The following CADM1 variants were observed in gnomAD, a reference collection of about 807,000 sequenced individuals.
CADM1 encodes TSLC-1.
A neutral mutation model predicts 53.1 loss-of-function variants in CADM1; 15 were observed. The observed-to-expected ratio is 0.28, with a 90% CI of 0.19 to 0.44. The LOEUF is 0.44. Among genes scored for constraint, CADM1 ranks in the 20% least tolerant of loss-of-function variants. The pLI is 1.00. For synonymous variants in CADM1, 281 were observed against 243.0 expected, an observed-to-expected ratio of 1.16 and a Z score of -1.45; for missense variants, 434 against 611.3, an observed-to-expected ratio of 0.71 and a Z score of 3.06.
chr11:115,472,468 A>T (rs973111301), intron 1 of CADM1, among the ~76,000 whole-genome samples: 1 of 152,198 alleles, frequency 6.6e-6, no homozygotes, highest in Non-Finnish European at 1.5e-5. Context: ...TGTGTGTGTG[A>T]GAGAGAGTGC....
At chr11:115,261,722 CTT>C (rs1942979462) in intron 1 of CADM1, among the ~76,000 whole-genome samples, 1 of 150,996 alleles carries the variant, frequency 6.6e-6, no homozygotes, top group African/African-American at 2.4e-5. Context: ...AATATTTGTT[CTT>C]GTTTCAGCCT....
At chr11:115,290,359 G>A (rs1191365517) in intron 1 of CADM1, among the ~76,000 whole-genome samples, 1 of 152,166 alleles carries the variant, frequency 6.6e-6, no homozygotes, top group African/African-American at 2.4e-5. Context: ...TCTTGCCATA[G>A]ACAGTGGCAG....
intron 1 of CADM1, among the ~76,000 whole-genome samples, chr11:115,460,014 G>A (rs1386305073): frequency 6.6e-6 from 1 of 152,004 alleles, no homozygotes; most frequent in Non-Finnish European, 1.5e-5. Context: ...ATGTACTTAG[G>A]TGCTTTGGAA....
chr11:115,278,355 C>A (rs1357251473), intron 1 of CADM1, among the ~76,000 whole-genome samples: 2 of 152,136 alleles, frequency 1.3e-5, no homozygotes, highest in African/African-American at 4.8e-5. Context: ...TAGAACTTAA[C>A]CTCTAGCAAC....
chr11:115,295,190 T>C (rs189507716), intron 1 of CADM1, among the ~76,000 whole-genome samples: 1 of 152,162 alleles, frequency 6.6e-6, no homozygotes, highest in Admixed American at 6.5e-5. Context: ...CACTCCCAAC[T>C]CCATGTTGAC....
intron 1 of CADM1, among the ~76,000 whole-genome samples, chr11:115,457,018 A>T (rs549877600): frequency 6.6e-6 from 1 of 152,280 alleles, no homozygotes; most frequent in South Asian, 2.1e-4. Flanking sequence ...TTGTTAACAT[A>T]GTACCTAAGT....
chr11:115,404,124 G>T (rs186253556), intron 1 of CADM1, among the ~76,000 whole-genome samples: 23 of 146,866 alleles, frequency 1.6e-4, no homozygotes, highest in Non-Finnish European at 2.4e-4. Flanking sequence ...TCAGATGTTC[G>T]AGACCAGCCT....
rs531826689 is a variant in CADM1 at position 115,253,205 on chromosome 11, G to A, written c.125-12785C>T. Among the ~76,000 whole-genome samples the A allele has an allele frequency of 2.4e-4, 36 of 152,332 alleles. 1 individual carries two copies. The highest frequency in any genetic ancestry group is 3.4e-3 in the Middle Eastern group (1 of 294). ...TATATGGTCTGTGGGCTGCAGGTTG[G>A]ACAAGCTGGCCCTAAACAGTCTTAG... On this transcript the variant is annotated intron_variant, in intron 1 of 11. Transcript: ENST00000331581.
chr11:115,384,671 T>C (rs933683100), intron 1 of CADM1, among the ~76,000 whole-genome samples: 6 of 152,160 alleles, frequency 3.9e-5, no homozygotes, highest in African/African-American at 7.2e-5. Flanking sequence ...GGAAAAAATA[T>C]ATACCCATGG....
At chr11:115,408,071 G>A (rs919313367) in intron 1 of CADM1, among the ~76,000 whole-genome samples, 1 of 151,788 alleles carries the variant, frequency 6.6e-6, no homozygotes, top group East Asian at 1.9e-4. Flanking sequence ...TAAATGACAA[G>A]TTTCAAGTTT....
intron 1 of CADM1, among the ~76,000 whole-genome samples, chr11:115,362,995 G>C (rs1946068475): frequency 6.6e-6 from 1 of 152,102 alleles, no homozygotes. Flanking sequence ...ATCTGCTAAG[G>C]AGACTGAACT....
At chr11:115,341,957 A>G (rs1333795457) in intron 1 of CADM1, among the ~76,000 whole-genome samples, 3 of 152,202 alleles carry the variant, frequency 2.0e-5, no homozygotes, top group Non-Finnish European at 4.4e-5. Context: ...GGATCAGAAT[A>G]CAATTTACTT....
intron 1 of CADM1, among the ~76,000 whole-genome samples, chr11:115,408,952 A>G (rs1947385767): frequency 6.6e-6 from 1 of 152,244 alleles, no homozygotes; most frequent in African/African-American, 2.4e-5. Context: ...AAATAAACCA[A>G]AAGCATACAG....
chr11:115,200,188 C>T (rs1253910455), intron 8 of CADM1, among the ~76,000 whole-genome samples: 1 of 152,134 alleles, frequency 6.6e-6, no homozygotes, highest in African/African-American at 2.4e-5. Context: ...CGCATAAGAA[C>T]AAAATACTTA....
In CADM1 at chr11:115,174,976, T is replaced by A; in HGVS notation, c.*1498A>T. On this transcript the variant is annotated 3_prime_UTR_variant, in exon 12 of 12. Transcript: ENST00000331581. ...CCCGAGGCTCCCCATCTAAGATATG[T>A]TCAAGGTCACTGATTTTAGTAGCTA... The A allele has an allele frequency of 1.0e-6, 1 of 985,860 alleles. No homozygotes were observed. Among genetic ancestry groups the A allele is most frequent in the Non-Finnish European group, 1.2e-6 (1 of 829,944 alleles). The allele number at this position is 985,860 out of a possible 1,614,324, so 61.1% of individuals were successfully genotyped here.
intron 1 of CADM1, among the ~76,000 whole-genome samples, chr11:115,308,933 T>C (rs982861875): frequency 1.3e-5 from 2 of 152,080 alleles, no homozygotes; most frequent in Admixed American, 6.6e-5. Flanking sequence ...ATTATCTATA[T>C]AGACAATGAG....
chr11:115,366,658 G>C (rs1320942164), intron 1 of CADM1, among the ~76,000 whole-genome samples: 3 of 152,270 alleles, frequency 2.0e-5, no homozygotes. Flanking sequence ...GGATACACTT[G>C]TGTTCAAATT....
intron 1 of CADM1, among the ~76,000 whole-genome samples, chr11:115,254,078 A>G (rs1310684331): frequency 1.3e-5 from 2 of 152,196 alleles, no homozygotes; most frequent in Non-Finnish European, 2.9e-5. Context: ...GAGTCTTGAC[A>G]CAAAACCTGT....
chr11:115,185,276 G>A (rs903219477), intron 10 of CADM1, among the ~76,000 whole-genome samples: 6 of 152,280 alleles, frequency 3.9e-5, no homozygotes, highest in East Asian at 1.9e-4. Context: ...AGGGGTAAGC[G>A]TGGTACTGCA....
Sources: allele counts gnomAD v4.1 joint callset (sites outside exome capture counted in the v4.1 genomes callset), GRCh38; gene constraint gnomAD v4.1.1; transcripts MANE v1.5; gene names NCBI Gene and HGNC (gene_info 2026-07-23, HGNC 2026-07-21).